The following MARCHF4 variants were observed in gnomAD, a reference collection of about 807,000 sequenced individuals.
MARCHF4 encodes the protein E3 ubiquitin-protein ligase MARCHF4.
MARCHF4 carries 14 observed loss-of-function variants against 43.9 expected under a neutral mutation model. That is an observed-to-expected ratio of 0.32 (90% CI 0.21 to 0.50). The LOEUF is 0.50. Ranked by LOEUF, MARCHF4 falls within the 20% of genes least tolerant of loss-of-function variation. The pLI is 0.98. For missense variants in MARCHF4, 468 were observed against 536.7 expected (o/e 0.87, Z 1.27); for synonymous variants, 226 against 213.3 (o/e 1.06, Z -0.52).
At chr2:216,311,785 G>A (rs968341798) in intron 1 of MARCHF4, among the ~76,000 whole-genome samples, 15 of 152,072 alleles carry the variant, frequency 9.9e-5, no homozygotes, top group African/African-American at 2.9e-4. Context: ...GCCCAGAAAC[G>A]ACTTAGCCAT....
chr2:216,362,093 C>T lies in MARCHF4; in HGVS notation c.516+7652G>A, dbSNP rs565998000. On this transcript the variant is annotated intron_variant, in intron 1 of 3. Coordinates refer to ENST00000273067, the MANE Select transcript of MARCHF4 (RefSeq NM_020814.3). The stretch of plus-strand genomic sequence containing the variant: ...TCCATGTATTTTGGACTTCAAAGCC[C>T]ATGTTCTTCCCATCATTCTGCAATA... Among the ~76,000 whole-genome samples, 8 of 152,260 alleles carry T rather than the reference C, an allele frequency of 5.3e-5. No homozygotes were observed. In the East Asian group the frequency reaches 1.5e-3, roughly 29 times the overall value.
chr2:216,354,976 T>TTTCC (rs1692476178), intron 1 of MARCHF4, among the ~76,000 whole-genome samples: 3 of 136,246 alleles, frequency 2.2e-5, no homozygotes, highest in Admixed American at 7.4e-5. Context: ...TCTTTCTTTC[T>TTTCC]TTCTTTCTTT....
chr2:216,296,768 C>T (rs992588373), intron 1 of MARCHF4, among the ~76,000 whole-genome samples: 2 of 152,174 alleles, frequency 1.3e-5, no homozygotes, highest in African/African-American at 4.8e-5. Flanking sequence ...ATTTCTTCTT[C>T]ATTATCAGCT....
intron 1 of MARCHF4, among the ~76,000 whole-genome samples, chr2:216,285,655 C>A (rs72942615): frequency 6.6e-6 from 1 of 152,248 alleles, no homozygotes; most frequent in East Asian, 1.9e-4. Flanking sequence ...GAGATGCCCA[C>A]GTTGCTGGGT....
intron 1 of MARCHF4, among the ~76,000 whole-genome samples, chr2:216,363,166 C>A (rs2105985651): frequency 6.6e-6 from 1 of 152,324 alleles, no homozygotes; most frequent in Non-Finnish European, 1.5e-5. Context: ...TTCATAACTT[C>A]CTGCCCTGCT....
At chr2:216,333,150 T>C (rs1345381194) in intron 1 of MARCHF4, among the ~76,000 whole-genome samples, 2 of 152,128 alleles carry the variant, frequency 1.3e-5, no homozygotes, top group South Asian at 2.1e-4. Flanking sequence ...AAGGGAAAAA[T>C]TGATAAAATT....
intron 3 of MARCHF4, among the ~76,000 whole-genome samples, chr2:216,274,535 TGA>T (rs1268912102): frequency 6.8e-6 from 1 of 148,024 alleles, no homozygotes; most frequent in East Asian, 2.0e-4. Context: ...AAGGAGAAGT[TGA>T]ATTTCACCCT....
rs1692062570 is a variant in MARCHF4 at position 216,330,093 on chromosome 2, A to G, written c.516+39652T>C. The stretch of plus-strand genomic sequence containing the variant: ...GGGCAACAGAATGAGAATCTGCCTC[A>G]TTAAAAAAAAAAAATGCCTAGTATA... On this transcript the variant is annotated intron_variant, in intron 1 of 3. Transcript: ENST00000273067. Among the ~76,000 whole-genome samples, 4 of 151,224 alleles carry G rather than the reference A, an allele frequency of 2.6e-5. No homozygotes were observed. In the South Asian group the frequency reaches 8.3e-4, roughly 32 times the overall value.
At chr2:216,311,470 C>G (rs1443560646) in intron 1 of MARCHF4, among the ~76,000 whole-genome samples, 1 of 152,136 alleles carries the variant, frequency 6.6e-6, no homozygotes, top group Non-Finnish European at 1.5e-5. Flanking sequence ...GTTGGGCAGG[C>G]TGGTCTCAAA....
At chr2:216,338,636 A>G (rs943759810) in intron 1 of MARCHF4, among the ~76,000 whole-genome samples, 5 of 152,014 alleles carry the variant, frequency 3.3e-5, no homozygotes, top group Non-Finnish European at 7.4e-5. Flanking sequence ...GTGGACTTGC[A>G]GCTCCACTGC....
At chr2:216,289,066 TA>T (rs1691264517) in intron 1 of MARCHF4, among the ~76,000 whole-genome samples, 8 of 146,752 alleles carry the variant, frequency 5.5e-5, no homozygotes, top group East Asian at 2.0e-4. Flanking sequence ...TATATATATA[TA>T]TTTATTTTTA....
At chr2:216,320,979 C>G (rs1574476352) in intron 1 of MARCHF4, among the ~76,000 whole-genome samples, 1 of 151,504 alleles carries the variant, frequency 6.6e-6, no homozygotes, top group African/African-American at 2.4e-5. Context: ...CACCCAGATG[C>G]CTCTTTTTCT....
intron 1 of MARCHF4, among the ~76,000 whole-genome samples, chr2:216,293,205 G>C (rs531180532): frequency 6.6e-6 from 1 of 152,106 alleles, no homozygotes; most frequent in African/African-American, 2.4e-5. Context: ...TGCACCACCC[G>C]TCCATGGCAT....
intron 3 of MARCHF4, among the ~76,000 whole-genome samples, chr2:216,264,632 G>A (rs1690815228): frequency 6.6e-6 from 1 of 152,160 alleles, no homozygotes. Flanking sequence ...TGGAAGAGAT[G>A]GGGTGTGGAG....
At chr2:216,295,863 C>T (rs1359536363) in intron 1 of MARCHF4, among the ~76,000 whole-genome samples, 3 of 152,198 alleles carry the variant, frequency 2.0e-5, no homozygotes, top group Non-Finnish European at 4.4e-5. Flanking sequence ...ACAGATACCC[C>T]ATGACTGGGT....
intron 3 of MARCHF4, among the ~76,000 whole-genome samples, chr2:216,261,903 G>A (rs1315384882): frequency 6.6e-6 from 1 of 152,226 alleles, no homozygotes; most frequent in Admixed American, 6.5e-5. Context: ...AGACCAGCAA[G>A]TGTGGAGACC....
chr2:216,277,963 A>G, intron 2 of MARCHF4, 99 bp from the exon 3 acceptor site: 1 of 1,184,994 alleles, frequency 8.4e-7, no homozygotes, highest in Non-Finnish European at 1.2e-6. Context: ...CCTCTGATTT[A>G]GGATTTAAGC....
chr2:216,271,866 C>A (rs1690943733), intron 3 of MARCHF4, among the ~76,000 whole-genome samples: 1 of 151,964 alleles, frequency 6.6e-6, no homozygotes, highest in African/African-American at 2.4e-5. Flanking sequence ...TCATAACTCA[C>A]TGCAGCCTTG....
chr2:216,267,938 CCACTTGG>C (rs1559281512), intron 3 of MARCHF4, among the ~76,000 whole-genome samples: 1 of 152,240 alleles, frequency 6.6e-6, no homozygotes, highest in African/African-American at 2.4e-5. Flanking sequence ...AAGCAACCAG[CCACTTGG>C]CTGTGGAGAT....
Sources: allele counts gnomAD v4.1 joint callset (sites outside exome capture counted in the v4.1 genomes callset), GRCh38; gene constraint gnomAD v4.1.1; transcripts MANE v1.5; gene names NCBI Gene and HGNC (gene_info 2026-07-23, HGNC 2026-07-21).